Variants in FOXN2 observed in about 807,000 individuals in gnomAD.
FOXN2 encodes forkhead box N2.
A neutral mutation model predicts 41.2 loss-of-function variants in FOXN2; 19 were observed. That is an observed-to-expected ratio of 0.46 (90% CI 0.32 to 0.68). FOXN2 has a LOEUF of 0.68. FOXN2 is among the 30% of genes least tolerant of loss of function. The probability of loss-of-function intolerance (pLI) is 0.03; values close to 1 mark genes in which losing one functional copy is unlikely to be tolerated. For synonymous variants in FOXN2, 195 were observed against 176.8 expected, an observed-to-expected ratio of 1.10 and a Z score of -0.82; for missense variants, 587 against 509.4, an observed-to-expected ratio of 1.15 and a Z score of -1.47.
At chr2:48,347,492 GT>G (rs1671186440) in intron 3 of FOXN2, among the ~76,000 whole-genome samples, 1 of 151,770 alleles carries the variant, frequency 6.6e-6, no homozygotes, top group Non-Finnish European at 1.5e-5. Context: ...CTCCCAAAGT[GT>G]TGGGATTACA....
At chr2:48,365,948 A>G (rs1281912314) in intron 5 of FOXN2, among the ~76,000 whole-genome samples, 1 of 152,182 alleles carries the variant, frequency 6.6e-6, no homozygotes, top group African/African-American at 2.4e-5. Flanking sequence ...AAAAACACCA[A>G]GTGGATTAGA....
intron 2 of FOXN2, among the ~76,000 whole-genome samples, chr2:48,338,288 A>C (rs1169732952): frequency 6.6e-6 from 1 of 152,244 alleles, no homozygotes; most frequent in Non-Finnish European, 1.5e-5. Context: ...TGCAGCAAAC[A>C]AAAAACTGAG....
chr2:48,333,461 G>A (rs1357782598), intron 2 of FOXN2, among the ~76,000 whole-genome samples: 1 of 151,938 alleles, frequency 6.6e-6, no homozygotes, highest in Non-Finnish European at 1.5e-5. Flanking sequence ...TTCCTTATCA[G>A]GAGGTTACTC....
chr2:48,352,585 C>G (rs180803246), intron 3 of FOXN2, among the ~76,000 whole-genome samples: 1 of 152,160 alleles, frequency 6.6e-6, no homozygotes, highest in East Asian at 1.9e-4. Flanking sequence ...AAAGCCCAGA[C>G]GTAAATTTGC....
chr2:48,319,635 A>G (rs1326177529), intron 1 of FOXN2, among the ~76,000 whole-genome samples: 1 of 144,058 alleles, frequency 6.9e-6, no homozygotes, highest in Admixed American at 6.9e-5. Flanking sequence ...TTTTTTTGAG[A>G]CAGGGTCACA....
intron 5 of FOXN2, among the ~76,000 whole-genome samples, chr2:48,367,591 TAG>T (rs1672614007): frequency 6.6e-6 from 1 of 152,260 alleles, no homozygotes; most frequent in African/African-American, 2.4e-5. Context: ...TTAGTTTTGA[TAG>T]AGACAATAAA....
intron 1 of FOXN2, among the ~76,000 whole-genome samples, chr2:48,325,120 T>C (rs1471464976): frequency 6.6e-6 from 1 of 152,200 alleles, no homozygotes. Flanking sequence ...TTGTTTGTTT[T>C]TGGTCTTTTG....
At chr2:48,332,937 G>T (rs1670104488) in intron 2 of FOXN2, among the ~76,000 whole-genome samples, 1 of 152,122 alleles carries the variant, frequency 6.6e-6, no homozygotes, top group Middle Eastern at 3.4e-3. Context: ...GTAATCCTTT[G>T]GTTCACTGTC....
At chr2:48,356,424 C>A (rs1007079114) in intron 3 of FOXN2, among the ~76,000 whole-genome samples, 2 of 151,794 alleles carry the variant, frequency 1.3e-5, no homozygotes, top group Non-Finnish European at 2.9e-5. Flanking sequence ...CTGATTGACA[C>A]AGCGAGACTG....
At chr2:48,372,859 A>G (rs1217411752) in intron 5 of FOXN2, among the ~76,000 whole-genome samples, 5 of 152,070 alleles carry the variant, frequency 3.3e-5, no homozygotes, top group Non-Finnish European at 5.9e-5. Flanking sequence ...ACTGGCATGT[A>G]ATTAACATAG....
rs148304784 is a variant in FOXN2 at position 48,336,861 on chromosome 2, C to T, written c.-15+8159C>T. Among the ~76,000 whole-genome samples, 53 of 151,174 alleles carry T rather than the reference C, an allele frequency of 3.5e-4. No homozygotes were observed. In the East Asian group the frequency reaches 9.3e-3, roughly 27 times the overall value. On this transcript the variant is annotated intron_variant, in intron 2 of 6. Transcript: ENST00000340553. Reference sequence around the variant, plus strand: ...AGTAGGTGTATATATTTATGGGGTACGTGAGATGTTTTGATACAGGTATGC... The same window carrying T: ...AGTAGGTGTATATATTTATGGGGTATGTGAGATGTTTTGATACAGGTATGC...
At chr2:48,328,861 T>A (rs919935875) in intron 2 of FOXN2, among the ~76,000 whole-genome samples, 159 bp downstream of exon 2, 3 of 152,214 alleles carry the variant, frequency 2.0e-5, no homozygotes, top group African/African-American at 7.2e-5. Flanking sequence ...CTCTAAGAGC[T>A]GTAGTGGTTC....
chr2:48,335,170 G>A (rs559815995), intron 2 of FOXN2, among the ~76,000 whole-genome samples: 2 of 152,224 alleles, frequency 1.3e-5, no homozygotes, highest in African/African-American at 2.4e-5. Flanking sequence ...TTCACGTTTT[G>A]GAATTATCAG....
chr2:48,313,905 T>A (rs4290706), upstream of FOXN2, among the ~76,000 whole-genome samples: 68,078 of 152,072 alleles, frequency 0.45, 15,431 homozygotes, highest in East Asian at 0.52. Context: ...TTAAATGAGC[T>A]CTCCTGTATT....
chr2:48,336,099 G>A (rs377693277), intron 2 of FOXN2, among the ~76,000 whole-genome samples: 1 of 149,268 alleles, frequency 6.7e-6, no homozygotes, highest in African/African-American at 2.5e-5. Context: ...ATTGGAGCTA[G>A]CATTTAAAGG....
chr2:48,368,683 C>G (rs921386329), intron 5 of FOXN2, among the ~76,000 whole-genome samples: 4 of 152,096 alleles, frequency 2.6e-5, no homozygotes, highest in African/African-American at 9.7e-5. Context: ...CGGAGTGAGA[C>G]CCTGTTGATA....
chr2:48,373,241 T>C, intron 5 of FOXN2, 51 bp from the exon 6 acceptor site: 1 of 1,297,976 alleles, frequency 7.7e-7, no homozygotes, highest in East Asian at 2.4e-5. Flanking sequence ...ATACTTAGAA[T>C]AGCCTCTCCT....
rs761311561 is a variant in FOXN2 at position 48,375,277 on chromosome 2, A to T, written c.1130A>T (p.Glu377Val). 1 of 1,614,056 alleles carries T rather than the reference A, an allele frequency of 6.2e-7. No homozygotes were observed. Among genetic ancestry groups the T allele is most frequent in the South Asian group, 1.1e-5 (1 of 91,074 alleles). The change falls in exon 7 of 7, where the codon GAA becomes GTA. Residue 377 changes from glutamate (E) to valine (V), a missense_variant. Coordinates refer to ENST00000340553, the MANE Select transcript of FOXN2 (RefSeq NM_002158.4). ...YASQPCAKIS[E>V]KGQSGKKMRK... ...TCACAGCCTTGTGCAAAAATCTCTG[A>T]AAAAGGGCAGTCAGGCAAAAAGATG...
rs1357254073 is a variant in FOXN2 at position 48,373,375 on chromosome 2, C to CT, written c.772+21dup. The CT allele has an allele frequency of 1.6e-5, 24 of 1,515,488 alleles. No individual in the cohort carries two copies. Among genetic ancestry groups the CT allele is most frequent in the Middle Eastern group, 1.7e-4 (1 of 5,786 alleles). 93.9% of individuals were successfully genotyped at this position (1,515,488 alleles called of 1,614,324 possible). On this transcript the variant is annotated intron_variant, in intron 6 of 6. Coordinates refer to ENST00000340553, the MANE Select transcript of FOXN2 (RefSeq NM_002158.4). The stretch of plus-strand genomic sequence containing the variant: ...AATTTTAGAATGTAAGTAATCATGC[C>CT]TTTTTTAAAAAAAAATTTTAGTGCC...
Sources: allele counts gnomAD v4.1 joint callset (sites outside exome capture counted in the v4.1 genomes callset), GRCh38; gene constraint gnomAD v4.1.1; transcripts MANE v1.5; gene names NCBI Gene and HGNC (gene_info 2026-07-23, HGNC 2026-07-21).